NBEA: variants seen among roughly 807,000 people sequenced by gnomAD.
The protein encoded by NBEA is lysosomal-trafficking regulator 2.
NBEA carries 44 observed loss-of-function variants against 343.4 expected under a neutral mutation model. That is an observed-to-expected ratio of 0.13 (90% CI 0.10 to 0.16). The LOEUF (loss-of-function observed/expected upper bound fraction) is 0.16. NBEA is among the 10% of genes least tolerant of loss of function. The probability of loss-of-function intolerance (pLI) is 1.00; values close to 1 mark genes in which losing one functional copy is unlikely to be tolerated. For missense variants in NBEA, 2,555 were observed against 3,631.3 expected (o/e 0.70, Z 7.62); for synonymous variants, 1,175 against 1,238.7 (o/e 0.95, Z 1.08).
chr13:35,620,607 T>C (rs2082940799), intron 48 of NBEA, among the ~76,000 whole-genome samples: 1 of 152,126 alleles, frequency 6.6e-6, no homozygotes, highest in South Asian at 2.1e-4. Context: ...TTGCAATCTT[T>C]TGAGTGGAAG....
At chr13:35,192,540 A>G (rs1047439148) in intron 30 of NBEA, among the ~76,000 whole-genome samples, 3 of 151,976 alleles carry the variant, frequency 2.0e-5, no homozygotes, top group Non-Finnish European at 2.9e-5. Flanking sequence ...CAATAAAAAT[A>G]AAATTGAGAT....
At chr13:34,958,016 T>C (rs1386630537) in intron 1 of NBEA, among the ~76,000 whole-genome samples, 1 of 152,060 alleles carries the variant, frequency 6.6e-6, no homozygotes, top group African/African-American at 2.4e-5. Context: ...AAATACACAA[T>C]GAATTTCAAA....
chr13:35,594,243 C>T (rs1283408825), intron 47 of NBEA, among the ~76,000 whole-genome samples: 2 of 151,960 alleles, frequency 1.3e-5, no homozygotes, highest in Non-Finnish European at 2.9e-5. Context: ...TACTGTCACT[C>T]AGTACAAAAA....
chr13:35,615,608 G>A (rs779779332), intron 48 of NBEA, among the ~76,000 whole-genome samples: 6 of 152,138 alleles, frequency 3.9e-5, no homozygotes, highest in Non-Finnish European at 8.8e-5. Context: ...GCCTCCAAAA[G>A]TGCTGGGATT....
chr13:35,455,427 G>A (rs1216324261), intron 40 of NBEA, among the ~76,000 whole-genome samples: 1 of 150,522 alleles, frequency 6.6e-6, no homozygotes, highest in East Asian at 1.9e-4. Context: ...AGAGAAAGAA[G>A]AATATCTGGC....
chr13:35,145,362 A>T (rs1016700962), intron 18 of NBEA, among the ~76,000 whole-genome samples: 3 of 152,140 alleles, frequency 2.0e-5, no homozygotes, highest in Non-Finnish European at 2.9e-5. Context: ...TGGGCTTAGG[A>T]TGTACCCCAG....
At chr13:35,376,025 A>G (rs1393187760) in intron 38 of NBEA, among the ~76,000 whole-genome samples, 2 of 152,138 alleles carry the variant, frequency 1.3e-5, no homozygotes, top group African/African-American at 2.4e-5. Context: ...CCTATAAAAC[A>G]AAAGACTTCA....
In NBEA at chr13:35,647,139, T is replaced by G. The variant is rs2084274404; in HGVS notation, c.7770+791T>G. Among the ~76,000 whole-genome samples the G allele has an allele frequency of 2.0e-5, 3 of 152,216 alleles. No individual in the cohort carries two copies. The South Asian group carries it at 6.2e-4, about 32-fold the overall frequency. The stretch of plus-strand genomic sequence containing the variant: ...TAAAAGTCCATTTCCATAAAAAAGT[T>G]TCTTTACAGTTTATTAGCAAATAGT... On this transcript the variant is annotated intron_variant, in intron 51 of 58. Coordinates refer to ENST00000379939, the MANE Select transcript of NBEA (RefSeq NM_001385012.1).
chr13:35,379,924 T>G (rs533033560), intron 38 of NBEA, among the ~76,000 whole-genome samples: 1 of 152,284 alleles, frequency 6.6e-6, no homozygotes, highest in African/African-American at 2.4e-5. Flanking sequence ...AGCTTTGTGG[T>G]TCTCACAAAT....
At chr13:35,315,466 G>A (rs2037653547) in intron 36 of NBEA, among the ~76,000 whole-genome samples, 1 of 152,024 alleles carries the variant, frequency 6.6e-6, no homozygotes, top group Non-Finnish European at 1.5e-5. Context: ...AATAATGATT[G>A]GAATTTGAAT....
At chr13:35,636,194 A>C (rs2083683162) in intron 49 of NBEA, among the ~76,000 whole-genome samples, 1 of 152,210 alleles carries the variant, frequency 6.6e-6, no homozygotes. Context: ...CATATTGCAT[A>C]CTTCAATTTG....
intron 18 of NBEA, among the ~76,000 whole-genome samples, chr13:35,144,595 C>A (rs2068300410): frequency 6.6e-6 from 1 of 152,128 alleles, no homozygotes; most frequent in Non-Finnish European, 1.5e-5. Context: ...CTGCAACCAC[C>A]CTTATTATTC....
intron 36 of NBEA, among the ~76,000 whole-genome samples, chr13:35,324,474 C>G (rs928280897): frequency 3.3e-5 from 5 of 152,100 alleles, no homozygotes; most frequent in Non-Finnish European, 4.4e-5. Context: ...TTAAGAAAAA[C>G]TTATTGTTAC....
At chr13:35,256,449 C>G (rs1396658391) in intron 34 of NBEA, among the ~76,000 whole-genome samples, 1 of 152,226 alleles carries the variant, frequency 6.6e-6, no homozygotes, top group Non-Finnish European at 1.5e-5. Flanking sequence ...GGACTGCAGA[C>G]TATACCCAGA....
Position 35,550,973 on chromosome 13 carries a change from A to G in NBEA, c.6747A>G (p.Lys2249=). 2 of 1,611,912 alleles carry G rather than the reference A, an allele frequency of 1.2e-6. No homozygotes were observed. Among genetic ancestry groups the G allele is most frequent in the Middle Eastern group, 1.7e-4 (1 of 6,058 alleles). The change falls in exon 43 of 59, where the codon AAA becomes AAG. Residue 2249 remains lysine, a synonymous_variant. Coordinates refer to ENST00000379939, the MANE Select transcript of NBEA (RefSeq NM_001385012.1). The part of the protein sequence containing the change: ...FNFPDQATVK[K]VVYSLPRVGV... ...TCCCTGATCAAGCAACAGTAAAAAAAGTTGTCTATAGCTTGCCTCGGGTTG... is the reference window on the plus strand; with the variant it reads ...TCCCTGATCAAGCAACAGTAAAAAAGGTTGTCTATAGCTTGCCTCGGGTTG...
chr13:35,262,663 A>G (rs2033311942), intron 34 of NBEA, among the ~76,000 whole-genome samples: 7 of 152,212 alleles, frequency 4.6e-5, no homozygotes, highest in Admixed American at 4.6e-4. Context: ...AGTGGTGGCC[A>G]GGAGTTATGG....
At chr13:35,574,628 G>A (rs553262035) in intron 45 of NBEA, among the ~76,000 whole-genome samples, 3 of 152,214 alleles carry the variant, frequency 2.0e-5, no homozygotes, top group Admixed American at 2.0e-4. Context: ...GCTCACGTCT[G>A]TAATCCTAGC....
rs1349565371 is a variant in NBEA, at chr13:35,263,525, A to G, written c.5777-26864A>G. Among the ~76,000 whole-genome samples the G allele has an allele frequency of 3.3e-5, 5 of 152,182 alleles. No individual in the cohort carries two copies. The East Asian group carries it at 5.8e-4, about 18-fold the overall frequency. ...GAGCATTCTCCAGAATAGAACATGT[A>G]TCACAAAACAAGTCTTAACATATTT... is the stretch of plus-strand genomic sequence containing the variant. On this transcript the variant is annotated intron_variant, in intron 34 of 58. Transcript: ENST00000379939.
At chr13:35,280,237 C>A (rs1018080558) in intron 34 of NBEA, among the ~76,000 whole-genome samples, 2 of 152,012 alleles carry the variant, frequency 1.3e-5, no homozygotes, top group Admixed American at 1.3e-4. Context: ...TAGGTAATTT[C>A]AACTGAAAAA....
Sources: gnomAD v4.1 joint callset for allele counts (sites outside exome capture counted in the v4.1 genomes callset) on GRCh38, gnomAD v4.1.1 for gene constraint, MANE v1.5 for transcripts, NCBI Gene and HGNC (gene_info 2026-07-23, HGNC 2026-07-21) for gene names.